Variants in MYO16 observed in about 807,000 individuals in gnomAD.
The protein encoded by MYO16 is unconventional myosin-XVI.
MYO16 carries 94 observed loss-of-function variants against 205.3 expected under a neutral mutation model. The observed-to-expected ratio is 0.46, with a 90% CI of 0.39 to 0.54. MYO16 has a LOEUF of 0.54. Ranked by LOEUF, MYO16 falls within the 20% of genes least tolerant of loss-of-function variation. The pLI, the probability that MYO16 is intolerant of heterozygous loss-of-function variation, is 0.00. For missense variants in MYO16, 2,315 were observed against 2,387.5 expected, an observed-to-expected ratio of 0.97 and a Z score of 0.63; for synonymous variants, 988 against 954.0, an observed-to-expected ratio of 1.04 and a Z score of -0.66.
chr13:109,123,697 A>T (rs552064459), intron 29 of MYO16, among the ~76,000 whole-genome samples: 1 of 152,224 alleles, frequency 6.6e-6, no homozygotes, highest in South Asian at 2.1e-4. Flanking sequence ...GCCATCTGAA[A>T]AAAACGCTTT....
In MYO16 at chr13:109,016,734, C is replaced by G. The variant is rs564805864; in HGVS notation, c.2596-2977C>G. ...TGTAATGGCCTTCTTTGTCTCTTTTCATCTTTGTTGGTTTAAAGTCTGTTT... is the reference window on the plus strand; with the variant it reads ...TGTAATGGCCTTCTTTGTCTCTTTTGATCTTTGTTGGTTTAAAGTCTGTTT... On this transcript the variant is annotated intron_variant, in intron 22 of 34. Coordinates refer to ENST00000457511, the MANE Select transcript of MYO16 (RefSeq NM_001198950.3). Among the ~76,000 whole-genome samples the G allele has an allele frequency of 2.8e-4, 42 of 151,746 alleles. No individual in the cohort carries two copies. The East Asian group carries it at 3.7e-3, about 13-fold the overall frequency.
chr13:108,718,692 T>G (rs1450103580), intron 3 of MYO16, among the ~76,000 whole-genome samples: 1 of 152,054 alleles, frequency 6.6e-6, no homozygotes, highest in Non-Finnish European at 1.5e-5. Flanking sequence ...ACTCTTCACA[T>G]AACCCCAGGG....
intron 27 of MYO16, among the ~76,000 whole-genome samples, chr13:109,062,633 C>CA (rs1887628400): frequency 1.3e-5 from 2 of 150,294 alleles, no homozygotes; most frequent in Admixed American, 6.7e-5. Flanking sequence ...AATAATATTA[C>CA]AAAAAATATT....
At chr13:109,170,715 A>C (rs1011393896) in intron 33 of MYO16, among the ~76,000 whole-genome samples, 2 of 152,084 alleles carry the variant, frequency 1.3e-5, no homozygotes, top group Non-Finnish European at 2.9e-5. Flanking sequence ...TCAAAACATA[A>C]CCAAAAACCA....
intron 16 of MYO16, among the ~76,000 whole-genome samples, chr13:108,928,303 G>A (rs79482222): frequency 5.6e-4 from 85 of 152,232 alleles, no homozygotes; most frequent in African/African-American, 1.7e-3. Flanking sequence ...AAATGCAGGC[G>A]TCCATTCAGC....
chr13:108,832,181 C>T (rs535555849), intron 9 of MYO16, among the ~76,000 whole-genome samples: 5 of 142,296 alleles, frequency 3.5e-5, no homozygotes, highest in Admixed American at 2.9e-4. Flanking sequence ...CTCGCTCTAT[C>T]GCCCAGGCTG....
chr13:108,684,582 C>G (rs1882597440), intron 2 of MYO16, among the ~76,000 whole-genome samples: 1 of 152,048 alleles, frequency 6.6e-6, no homozygotes, highest in South Asian at 2.1e-4. Context: ...TTGGAATTTC[C>G]TGGGTGATAG....
chr13:109,130,277 ACTGTGTCGCAC>A (rs1876471264), intron 31 of MYO16, among the ~76,000 whole-genome samples: 2 of 152,196 alleles, frequency 1.3e-5, no homozygotes, highest in Non-Finnish European at 2.9e-5. Context: ...CGTTTGGTCC[ACTGTGTCGCAC>A]CCTGGTGAGC....
chr13:108,632,034 C>T (rs565859358), intron 1 of MYO16, among the ~76,000 whole-genome samples: 360 of 145,984 alleles, frequency 2.5e-3, no homozygotes, highest in African/African-American at 8.2e-3. Context: ...GCTGAGATCG[C>T]GCCATTGCAC....
chr13:108,591,263 G>A (rs1878391669), upstream of MYO16, among the ~76,000 whole-genome samples: 1 of 152,200 alleles, frequency 6.6e-6, no homozygotes. Context: ...GGGTGAGCTT[G>A]TTTGCTGTAG....
rs139222093 is a variant in MYO16 at position 108,781,562 on chromosome 13, G to C, written c.508-4073G>C. Among the ~76,000 whole-genome samples the C allele has an allele frequency of 3.6e-3, 541 of 152,278 alleles. 2 individuals are homozygous for C. Among genetic ancestry groups the C allele is most frequent in the African/African-American group, 0.013 (526 of 41,546 alleles). On this transcript the variant is annotated intron_variant, in intron 4 of 34. Transcript: ENST00000457511. ...GTAGCTTAACTCTTTCTCTCTCTGG[G>C]CATTAGCGAGCCAAGCTTGGCCCTG... is the stretch of plus-strand genomic sequence containing the variant.
Position 108,806,825 on chromosome 13 carries a change from C to A in MYO16, c.867+21C>A, listed in dbSNP as rs1020259397. On this transcript the variant is annotated intron_variant, in intron 7 of 34. Coordinates refer to ENST00000457511, the MANE Select transcript of MYO16 (RefSeq NM_001198950.3). The stretch of plus-strand genomic sequence containing the variant: ...GCCAGGTAGAGTGATTTGCTGAATT[C>A]TTTAAAAAATAATTTTATATAATTA... 8.3e-6 allele frequency: 12 copies of A among 1,439,326 alleles called. No individual in the cohort carries two copies. In the African/African-American group the frequency reaches 8.5e-5, roughly 10 times the overall value. The allele number at this position is 1,439,326 out of a possible 1,614,324, so 89.2% of individuals were successfully genotyped here.
In MYO16 at chr13:109,014,641, A is replaced by C. The variant is rs187717455; in HGVS notation, c.2596-5070A>C. ...ATTTGTTTGTGTCCTCTTTTATTTC[A>C]TTGAGCAGTGGTTTGTAGTTCTCCT... On this transcript the variant is annotated intron_variant, in intron 22 of 34. Coordinates refer to ENST00000457511, the MANE Select transcript of MYO16 (RefSeq NM_001198950.3). 1.2e-4 allele frequency among the ~76,000 whole-genome samples: 18 copies of C among 152,118 alleles called. No homozygotes were observed. The East Asian group carries it at 2.5e-3, about 21-fold the overall frequency.
intron 28 of MYO16, among the ~76,000 whole-genome samples, chr13:109,106,017 T>C (rs1889113362): frequency 6.6e-6 from 1 of 152,252 alleles, no homozygotes; most frequent in Non-Finnish European, 1.5e-5. Flanking sequence ...CATGGTGGAC[T>C]AGTCAGAGCC....
At chr13:108,586,237 C>T in the MYO16 span, among the ~76,000 whole-genome samples, 1 of 151,954 alleles carries the variant, frequency 6.6e-6, no homozygotes, top group Non-Finnish European at 1.5e-5. Flanking sequence ...GAAAAATACA[C>T]AGATTTTAGC....
At chr13:108,683,890 G>A (rs1295248893) in intron 2 of MYO16, among the ~76,000 whole-genome samples, 2 of 151,940 alleles carry the variant, frequency 1.3e-5, no homozygotes, top group South Asian at 2.1e-4. Flanking sequence ...CCTTCTTTTC[G>A]TTTTTAGAAA....
chr13:108,787,607 T>G (rs1886497705), intron 5 of MYO16, among the ~76,000 whole-genome samples: 1 of 152,108 alleles, frequency 6.6e-6, no homozygotes, highest in Non-Finnish European at 1.5e-5. Context: ...ATAAATGTGT[T>G]CCTTTGAGAG....
rs563365365 is a variant in MYO16 at position 108,989,598 on chromosome 13, G to A, written c.2370-2778G>A. Among the ~76,000 whole-genome samples, 78 of 152,146 alleles carry A rather than the reference G, an allele frequency of 5.1e-4. No homozygotes were observed. In the Middle Eastern group the frequency reaches 0.021, roughly 40 times the overall value. On this transcript the variant is annotated intron_variant, in intron 20 of 34. Coordinates refer to ENST00000457511, the MANE Select transcript of MYO16 (RefSeq NM_001198950.3). ...ATAAATGTTTCTTTTTGTAGTTATA[G>A]TAATTAAGATAACAATGAACATCCT...
chr13:108,580,676 C>G, the MYO16 span, among the ~76,000 whole-genome samples: 4 of 152,324 alleles, frequency 2.6e-5, no homozygotes, highest in African/African-American at 9.6e-5. Context: ...GGAGAGTGCA[C>G]TCTTGGTAAG....
Sources: gnomAD v4.1 joint callset for allele counts (sites outside exome capture counted in the v4.1 genomes callset) on GRCh38, gnomAD v4.1.1 for gene constraint, MANE v1.5 for transcripts, NCBI Gene and HGNC (gene_info 2026-07-23, HGNC 2026-07-21) for gene names.